The following NRXN3 variants were observed in gnomAD, a reference collection of about 807,000 sequenced individuals.
NRXN3 encodes neurexin 3.
A neutral mutation model predicts 137.6 loss-of-function variants in NRXN3; 32 were observed. The ratio of observed to expected loss-of-function variants is 0.23; its 90% CI spans 0.18 to 0.31. NRXN3 has a LOEUF of 0.31. Ranked by LOEUF, NRXN3 falls within the 10% of genes least tolerant of loss-of-function variation. NRXN3 has a pLI of 1.00. For synonymous variants in NRXN3, 798 were observed against 784.5 expected, an observed-to-expected ratio of 1.02 and a Z score of -0.29; for missense variants, 1,574 against 2,062.5, an observed-to-expected ratio of 0.76 and a Z score of 4.59.
intron 15 of NRXN3, among the ~76,000 whole-genome samples, chr14:79,271,901 T>C (rs2079385433): frequency 1.3e-5 from 2 of 152,152 alleles, no homozygotes; most frequent in Admixed American, 1.3e-4. Flanking sequence ...CCCTCAAAAC[T>C]ATTCTATGAG....
chr14:79,355,431 C>G (rs1274963631), intron 15 of NRXN3, among the ~76,000 whole-genome samples: 1 of 152,146 alleles, frequency 6.6e-6, no homozygotes, highest in Non-Finnish European at 1.5e-5. Context: ...TTATAAAGCT[C>G]AAAATTGTTC....
chr14:79,587,189 A>T (rs2097770388), intron 16 of NRXN3, among the ~76,000 whole-genome samples: 1 of 152,250 alleles, frequency 6.6e-6, no homozygotes. Flanking sequence ...CTGCATATAG[A>T]ATGCTTTAGT....
intron 10 of NRXN3, among the ~76,000 whole-genome samples, chr14:78,944,017 G>GAGT (rs2099360432): frequency 6.6e-6 from 1 of 152,002 alleles, no homozygotes. Flanking sequence ...GTTTCCTTGT[G>GAGT]AGTTACAGGT....
intron 8 of NRXN3, among the ~76,000 whole-genome samples, chr14:78,802,051 A>T (rs2098840879): frequency 6.6e-6 from 1 of 152,242 alleles, no homozygotes; most frequent in South Asian, 2.1e-4. Flanking sequence ...TTTAATAAAG[A>T]CCTACTCAGT....
chr14:78,998,347 C>T (rs1238312559), intron 15 of NRXN3, among the ~76,000 whole-genome samples: 2 of 152,250 alleles, frequency 1.3e-5, no homozygotes, highest in South Asian at 2.1e-4. Flanking sequence ...GCCGCAAATT[C>T]TAAGGGTTTT....
chr14:79,357,354 T>A (rs892709940), intron 15 of NRXN3, among the ~76,000 whole-genome samples: 4 of 152,190 alleles, frequency 2.6e-5, no homozygotes, highest in Non-Finnish European at 5.9e-5. Flanking sequence ...ATAAAAAAAA[T>A]TAACTTCTAT....
intron 15 of NRXN3, among the ~76,000 whole-genome samples, chr14:79,137,228 T>C (rs1248098407): frequency 6.6e-6 from 1 of 152,204 alleles, no homozygotes; most frequent in Non-Finnish European, 1.5e-5. Flanking sequence ...TGCCATCTGT[T>C]ATTTCTAAAG....
intron 3 of NRXN3, among the ~76,000 whole-genome samples, chr14:78,296,046 T>TTC (rs1017585383): frequency 6.6e-6 from 1 of 151,480 alleles, no homozygotes; most frequent in Non-Finnish European, 1.5e-5. Context: ...TCTTTTTTTT[T>TTC]TCTCTCTCTC....
chr14:78,934,528 C>T (rs560445558), intron 10 of NRXN3, among the ~76,000 whole-genome samples: 32 of 152,148 alleles, frequency 2.1e-4, no homozygotes, highest in African/African-American at 5.1e-4. Context: ...TCACAAACCA[C>T]GGCAGCTCCA....
At chr14:79,477,981 A>G (rs1218517197) in intron 16 of NRXN3, among the ~76,000 whole-genome samples, 2 of 151,900 alleles carry the variant, frequency 1.3e-5, no homozygotes, top group Non-Finnish European at 2.9e-5. Flanking sequence ...GCAAAACATA[A>G]GGCATCCAAG....
chr14:79,274,866 G>C (rs2080030157), intron 15 of NRXN3, among the ~76,000 whole-genome samples: 1 of 152,118 alleles, frequency 6.6e-6, no homozygotes, highest in Non-Finnish European at 1.5e-5. Flanking sequence ...AACTATGGAT[G>C]TTTATTAGAA....
At chr14:78,176,798 G>A (rs940802523) in intron 1 of NRXN3, among the ~76,000 whole-genome samples, 4 of 151,990 alleles carry the variant, frequency 2.6e-5, no homozygotes, top group Non-Finnish European at 5.9e-5. Flanking sequence ...TGCTGCTGTG[G>A]GGGCTGCCTG....
At chr14:79,199,311 A>G (rs1023673718) in intron 15 of NRXN3, among the ~76,000 whole-genome samples, 1 of 151,040 alleles carries the variant, frequency 6.6e-6, no homozygotes, top group Admixed American at 6.6e-5. Context: ...CATTTTTTAT[A>G]TCAGGAATTA....
intron 8 of NRXN3, among the ~76,000 whole-genome samples, chr14:78,757,511 G>T (rs1387246316): frequency 6.6e-6 from 1 of 152,130 alleles, no homozygotes; most frequent in African/African-American, 2.4e-5. Flanking sequence ...CCTCAGGAAA[G>T]GCATAGTGTC....
chr14:78,790,326 G>A (rs911517656), intron 8 of NRXN3, among the ~76,000 whole-genome samples: 4 of 152,106 alleles, frequency 2.6e-5, no homozygotes, highest in Non-Finnish European at 5.9e-5. Context: ...TCCCTTTAGA[G>A]TGCTCTAGAT....
chr14:79,670,287 C>A lies in NRXN3; in HGVS notation c.3616+6338C>A, dbSNP rs75887317. Among the ~76,000 whole-genome samples the A allele has an allele frequency of 6.3e-4, 96 of 152,090 alleles. 1 individual carries two copies. Among genetic ancestry groups the A allele is most frequent in the African/African-American group, 2.0e-3 (81 of 41,504 alleles). On this transcript the variant is annotated intron_variant, in intron 17 of 20. Transcript: ENST00000335750. ...CTAATGAGTTTTGATATTATACAAT[C>A]ACAGGGATAATAACTCCACCCTATC...
At chr14:78,872,712 T>A (rs1455312650) in intron 10 of NRXN3, among the ~76,000 whole-genome samples, 5 of 152,122 alleles carry the variant, frequency 3.3e-5, no homozygotes, top group Non-Finnish European at 7.4e-5. Context: ...AAATGTCAGA[T>A]CTTTTCTCTC....
intron 15 of NRXN3, among the ~76,000 whole-genome samples, chr14:79,048,423 A>C (rs1408316106): frequency 6.6e-6 from 1 of 152,126 alleles, no homozygotes; most frequent in Non-Finnish European, 1.5e-5. Context: ...CCCCATAATA[A>C]AGAAAATATC....
At chr14:79,662,932 A>C (rs1440804087) in intron 16 of NRXN3, among the ~76,000 whole-genome samples, 1 of 152,108 alleles carries the variant, frequency 6.6e-6, no homozygotes, top group African/African-American at 2.4e-5. Context: ...ACTGAACAGG[A>C]GATTTGGGTG....
Sources: allele counts gnomAD v4.1 joint callset (sites outside exome capture counted in the v4.1 genomes callset), GRCh38; gene constraint gnomAD v4.1.1; transcripts MANE v1.5; gene names NCBI Gene and HGNC (gene_info 2026-07-23, HGNC 2026-07-21).